Variants in FAM107B observed in about 807,000 individuals in gnomAD.
FAM107B encodes the protein protein FAM107B.
Under a neutral mutation model 31.5 loss-of-function variants are expected in FAM107B, and 21 were observed. That is an observed-to-expected ratio of 0.67 (90% CI 0.47 to 0.96). FAM107B has a LOEUF of 0.96. Among genes scored for constraint, FAM107B ranks in the 40% least tolerant of loss-of-function variants. The pLI, the probability that FAM107B is intolerant of heterozygous loss-of-function variation, is 0.00. For synonymous variants in FAM107B, 157 were observed against 141.5 expected, an observed-to-expected ratio of 1.11 and a Z score of -0.78; for missense variants, 452 against 377.1, an observed-to-expected ratio of 1.20 and a Z score of -1.64.
At chr10:14,724,689 A>G (rs1371748417) in intron 1 of FAM107B, among the ~76,000 whole-genome samples, 3 of 145,756 alleles carry the variant, frequency 2.1e-5, no homozygotes, top group Non-Finnish European at 4.5e-5. Context: ...TCCCAGAAGG[A>G]AAAAAAAAAA....
intron 1 of FAM107B, among the ~76,000 whole-genome samples, chr10:14,667,907 A>C (rs930857928): frequency 6.6e-6 from 1 of 151,682 alleles, no homozygotes; most frequent in African/African-American, 2.4e-5. Flanking sequence ...GGGTGACACA[A>C]CTCCAGGGTG....
chr10:14,604,128 CGGCCG>C, intron 2 of FAM107B: 1 of 636,712 alleles, frequency 1.6e-6, no homozygotes, highest in Non-Finnish European at 1.9e-6. Flanking sequence ...CCCACCCGCC[CGGCCG>C]CCCGCCCGCC....
intron 1 of FAM107B, among the ~76,000 whole-genome samples, chr10:14,682,759 G>T (rs1297887092): frequency 6.6e-6 from 1 of 152,058 alleles, no homozygotes; most frequent in Non-Finnish European, 1.5e-5. Context: ...AGAGCTAGGG[G>T]AGGGATAGCA....
intron 1 of FAM107B, among the ~76,000 whole-genome samples, chr10:14,675,221 G>A (rs1854653716): frequency 6.6e-6 from 1 of 152,154 alleles, no homozygotes; most frequent in Admixed American, 6.5e-5. Flanking sequence ...TCCTCTCCAT[G>A]GGAATAAGCT....
intron 1 of FAM107B, among the ~76,000 whole-genome samples, chr10:14,761,828 G>T (rs536717080): frequency 1.3e-5 from 2 of 151,894 alleles, no homozygotes; most frequent in Non-Finnish European, 2.9e-5. Flanking sequence ...TGAACTCCTG[G>T]CCTCAAGTGA....
At chr10:14,774,036 A>G (rs1833364718) in intron 1 of FAM107B, among the ~76,000 whole-genome samples, 1 of 152,218 alleles carries the variant, frequency 6.6e-6, no homozygotes, top group South Asian at 2.1e-4. Context: ...GGTCATTGCC[A>G]TGGCTCCAGT....
chr10:14,546,546 T>G (rs1484880841), intron 2 of FAM107B, among the ~76,000 whole-genome samples: 2 of 152,236 alleles, frequency 1.3e-5, no homozygotes, highest in Admixed American at 6.5e-5. Flanking sequence ...CATGATGATT[T>G]TTAAAGCTTC....
intron 2 of FAM107B, chr10:14,553,391 TAA>T: frequency 8.9e-7 from 1 of 1,126,796 alleles, no homozygotes; most frequent in Non-Finnish European, 1.2e-6. Context: ...CATTCTCCTT[TAA>T]AAAAAAAACA....
intron 2 of FAM107B, among the ~76,000 whole-genome samples, chr10:14,541,842 T>C (rs1363469419): frequency 6.6e-6 from 1 of 152,194 alleles, no homozygotes; most frequent in Non-Finnish European, 1.5e-5. Context: ...AGGAGAAAGC[T>C]GGAGCTGCCG....
intron 1 of FAM107B, among the ~76,000 whole-genome samples, chr10:14,756,935 T>G (rs12268308): frequency 6.6e-6 from 1 of 152,132 alleles, no homozygotes; most frequent in Non-Finnish European, 1.5e-5. Flanking sequence ...TCGTGTGTTC[T>G]TACTTATAAG....
chr10:14,770,287 G>A (rs754208220), intron 1 of FAM107B, among the ~76,000 whole-genome samples: 5 of 152,140 alleles, frequency 3.3e-5, no homozygotes, highest in Non-Finnish European at 7.4e-5. Context: ...CACTTCGGGA[G>A]GCCAAGGCGG....
At chr10:14,669,411 G>T (rs1854489651) in intron 1 of FAM107B, among the ~76,000 whole-genome samples, 1 of 148,808 alleles carries the variant, frequency 6.7e-6, no homozygotes, top group South Asian at 2.1e-4. Context: ...CTTTTCGAAG[G>T]AAATCAGTAT....
At chr10:14,745,137 G>C (rs1832699128) in intron 1 of FAM107B, among the ~76,000 whole-genome samples, 1 of 152,036 alleles carries the variant, frequency 6.6e-6, no homozygotes, top group Non-Finnish European at 1.5e-5. Flanking sequence ...CATTTCTGTG[G>C]GGTCAGTGGT....
At chr10:14,595,956 A>G (rs1461937692) in intron 2 of FAM107B, among the ~76,000 whole-genome samples, 2 of 152,120 alleles carry the variant, frequency 1.3e-5, no homozygotes, top group Non-Finnish European at 2.9e-5. Flanking sequence ...ACAAAATACA[A>G]GGTCCATCTC....
intron 2 of FAM107B, among the ~76,000 whole-genome samples, chr10:14,626,697 G>A (rs931313761): frequency 1.1e-4 from 17 of 152,036 alleles, no homozygotes; most frequent in African/African-American, 4.1e-4. Context: ...TAGAGATGGG[G>A]TTTCACCGTG....
At chr10:14,530,927 G>C (rs1846913418) in intron 2 of FAM107B, among the ~76,000 whole-genome samples, 1 of 152,236 alleles carries the variant, frequency 6.6e-6, no homozygotes, top group Non-Finnish European at 1.5e-5. Context: ...ACATGTGTCA[G>C]GAAAGAGGGG....
At chr10:14,623,651 C>T (rs879576883) in intron 2 of FAM107B, among the ~76,000 whole-genome samples, 7 of 152,158 alleles carry the variant, frequency 4.6e-5, no homozygotes, top group African/African-American at 1.4e-4. Context: ...CATGGTGAAA[C>T]CCCATCTCTA....
chr10:14,574,263 C>T (rs1228484287), intron 2 of FAM107B, among the ~76,000 whole-genome samples: 1 of 152,200 alleles, frequency 6.6e-6, no homozygotes, highest in Non-Finnish European at 1.5e-5. Context: ...TTACTCTTTA[C>T]ATTCTGTACC....
intron 2 of FAM107B, chr10:14,548,327 G>T: frequency 7.0e-6 from 5 of 709,898 alleles, no homozygotes; most frequent in Non-Finnish European, 8.6e-6. Context: ...GAGGCACAGG[G>T]AGGCCTCAGG....
Sources: gnomAD v4.1 joint callset for allele counts (sites outside exome capture counted in the v4.1 genomes callset) on GRCh38, gnomAD v4.1.1 for gene constraint, MANE v1.5 for transcripts, NCBI Gene and HGNC (gene_info 2026-07-23, HGNC 2026-07-21) for gene names.